The following ATP13A1 variants were observed in gnomAD, a reference collection of about 807,000 sequenced individuals.
ATP13A1 encodes the protein ATPase 13A1.
In ATP13A1, 55 loss-of-function variants were observed where a neutral mutation model predicts 134.8. The ratio of observed to expected loss-of-function variants is 0.41; its 90% CI spans 0.33 to 0.51. ATP13A1 has a LOEUF of 0.51. Among genes scored for constraint, ATP13A1 ranks in the 20% least tolerant of loss-of-function variants. The probability of loss-of-function intolerance (pLI) is 0.29; values close to 1 mark genes in which losing one functional copy is unlikely to be tolerated. For synonymous variants in ATP13A1, 775 were observed against 725.1 expected (o/e 1.07, Z -1.10); for missense variants, 1,389 against 1,652.8 (o/e 0.84, Z 2.77).
Position 19,663,173 on chromosome 19 carries a change from TG to T in ATP13A1, c.396+97del, listed in dbSNP as rs549006678. 933 of 1,510,226 alleles carry T rather than the reference TG, an allele frequency of 6.2e-4. 4 individuals carry two copies. The African/African-American group carries it at 0.012, about 19-fold the overall frequency. The allele number at this position is 1,510,226 out of a possible 1,614,324, so 93.6% of individuals were successfully genotyped here. A position where few individuals can be genotyped will look rare whatever the true frequency, so the allele number is the denominator to read the frequency against. ...TGGGAATCCAGGCCAGGCAGATGAG[TG>T]GCCCAGGTCGCGATGGTGACCGACA... is the stretch of plus-strand genomic sequence containing the variant. On this transcript the variant is annotated intron_variant, in intron 1 of 25. Coordinates refer to ENST00000357324, the MANE Select transcript of ATP13A1 (RefSeq NM_020410.3).
rs2062107962 is a variant in ATP13A1, at chr19:19,663,511, G to A, written c.156C>T (p.Ala52=). The change falls in exon 1 of 26, where the codon GCC becomes GCT. Residue 52 remains alanine (A), a synonymous_variant. Coordinates refer to ENST00000357324, the MANE Select transcript of ATP13A1 (RefSeq NM_020410.3). The part of the protein sequence containing the change: ...LIANGDELVA[A]VWPYRRLALL... Reference sequence around the variant, plus strand: ...GCGCCAACCGCCGGTACGGCCACACGGCAGCCACCAGCTCGTCACCGTTCG... The same window carrying A: ...GCGCCAACCGCCGGTACGGCCACACAGCAGCCACCAGCTCGTCACCGTTCG... 2.0e-6 allele frequency: 3 copies of A among 1,533,854 alleles called. No individual in the cohort carries two copies. Among genetic ancestry groups the A allele is most frequent in the Non-Finnish European group, 2.6e-6 (3 of 1,145,648 alleles).
At position 19,649,636 on chromosome 19, in the gene ATP13A1, G is replaced by T. The variant is rs2062011072; in HGVS notation, c.2563C>A (p.Leu855Met). 6.2e-7 allele frequency: 1 copy of T among 1,613,832 alleles called. No homozygotes were observed. The highest frequency in any genetic ancestry group is 1.3e-5 in the African/African-American group (1 of 74,926). Residue 855 changes from leucine (L) to methionine (M), a missense_variant, in exon 19 of 26, where the codon CTG (leucine) becomes ATG (methionine). Around this residue, in one of 4 missense-constraint regions of ATP13A1, gnomAD observed 747 missense variants for 956.1 expected, o/e 0.78. Coordinates refer to ENST00000357324, the MANE Select transcript of ATP13A1 (RefSeq NM_020410.3). ...KEFVITSLKE[L>M]GYVTLMCGDG... Reference sequence around the variant, plus strand: ...CCACACATGAGGGTCACGTAGCCCAGCTCCTTCAGGCTGGTGATGACAAAC... The same window carrying T: ...CCACACATGAGGGTCACGTAGCCCATCTCCTTCAGGCTGGTGATGACAAAC...
At chr19:19,648,898 G>A (rs1844968548) in intron 19 of ATP13A1, among the ~76,000 whole-genome samples, 1 of 148,178 alleles carries the variant, frequency 6.7e-6, no homozygotes, top group Admixed American at 6.7e-5. Flanking sequence ...AAGGCGGGTG[G>A]ATCACTTGAG....
rs2062035056 is a variant in ATP13A1, at chr19:19,653,069, G to A, written c.2101-349C>T. ...TAGCCAGGAACTCTTACTCACTGGG[G>A]CTCCACCACATACCACAGACTGGGC... On this transcript the variant is annotated intron_variant, in intron 15 of 25. Coordinates refer to ENST00000357324, the MANE Select transcript of ATP13A1 (RefSeq NM_020410.3). This position sits in a 1 kb window ranked among gnomAD's most constrained non-coding sequence, Gnocchi z 4.2. 1.5e-5 allele frequency: 4 copies of A among 271,424 alleles called. No individual in the cohort carries two copies. In the South Asian group the frequency reaches 1.9e-4, roughly 13 times the overall value. 16.8% of individuals were successfully genotyped at this position (271,424 alleles called of 1,614,324 possible). A position where few individuals can be genotyped will look rare whatever the true frequency, so the allele number is the denominator to read the frequency against.
chr19:19,654,400 G>T, intron 13 of ATP13A1, 143 bp downstream of exon 13: 1 of 1,136,888 alleles, frequency 8.8e-7, no homozygotes, highest in Non-Finnish European at 1.2e-6. Flanking sequence ...GGTCTAAAGT[G>T]AGCCTCTGGC....
chr19:19,660,023 T>G, intron 1 of ATP13A1, 36 bp from the exon 2 acceptor site: 4 of 1,532,040 alleles, frequency 2.6e-6, no homozygotes, highest in African/African-American at 1.4e-5. Flanking sequence ...GGCTTAGCTC[T>G]TCTCAACCTA....
In ATP13A1 at chr19:19,653,592, G is replaced by C; in HGVS notation, c.2100+192C>G. On this transcript the variant is annotated intron_variant, in intron 15 of 25. Coordinates refer to ENST00000357324, the MANE Select transcript of ATP13A1 (RefSeq NM_020410.3). The surrounding 1 kb of genome is among the most constrained non-coding windows in gnomAD (Gnocchi z 4.2). ...CCCTGCGTGTGCTCTGCGTGAGCCAGGACTGGGTGGGTCCCCACAGCAGTG... is the reference window on the plus strand; with the variant it reads ...CCCTGCGTGTGCTCTGCGTGAGCCACGACTGGGTGGGTCCCCACAGCAGTG... The C allele has an allele frequency of 1.6e-6, 1 of 614,846 alleles. No individual in the cohort carries two copies. 38.1% of individuals were successfully genotyped at this position (614,846 alleles called of 1,614,324 possible).
In ATP13A1 at chr19:19,654,720, C is replaced by T. The variant is rs2062046162; in HGVS notation, c.1656-20G>A. 4 of 1,602,880 alleles carry T rather than the reference C, an allele frequency of 2.5e-6. No homozygotes were observed. The highest frequency in any genetic ancestry group is 4.5e-5 in the East Asian group (2 of 44,746). ...CCGTCTCTGCAAGGTCGGGGAACAG[C>T]TGGTTACAGAGTGCAGGCGGGTAGG... On this transcript the variant is annotated intron_variant, in intron 12 of 25. Coordinates refer to ENST00000357324, the MANE Select transcript of ATP13A1 (RefSeq NM_020410.3).
At chr19:19,661,520 G>A (rs1043230870) in intron 1 of ATP13A1, among the ~76,000 whole-genome samples, 14 of 152,104 alleles carry the variant, frequency 9.2e-5, no homozygotes, top group Non-Finnish European at 1.6e-4. Context: ...TAAAGTTCCC[G>A]GCAATGTCCC....
At position 19,647,669 on chromosome 19, in the gene ATP13A1, C is replaced by T; in HGVS notation, c.2723G>A (p.Arg908Lys). The stretch of plus-strand genomic sequence containing the variant: ...CTGCTTGGCTGTCCTGGAGGTGGCT[C>T]TGATGCCACTGTTGCTCAGGGTTGG... ...DSPTLSNSGI[R>K]ATSRTAKQRS... Residue 908 changes from arginine (R) to lysine (K), a missense_variant, in exon 20 of 26, where the codon AGA (arginine) becomes AAA (lysine). Coordinates refer to ENST00000357324, the MANE Select transcript of ATP13A1 (RefSeq NM_020410.3). The surrounding 1 kb of genome is among the most constrained non-coding windows in gnomAD (Gnocchi z 4.8). The T allele has an allele frequency of 1.2e-6, 2 of 1,612,876 alleles. No individual in the cohort carries two copies. Among genetic ancestry groups the T allele is most frequent in the Non-Finnish European group, 1.7e-6 (2 of 1,179,836 alleles).
At chr19:19,652,572 T>G in intron 16 of ATP13A1, 23 bp downstream of exon 16, 1 of 1,600,610 alleles carries the variant, frequency 6.2e-7, no homozygotes, top group South Asian at 1.1e-5. Context: ...ATGCAGAGGG[T>G]GGAGCCGAGC....
rs776516092 is a variant in ATP13A1 at position 19,653,472 on chromosome 19, T to C, written c.2100+312A>G. ...GGCGGAGGGTGGGCTTTGTGGAGGA[T>C]GGATGGGTGAGAGGGCTGAGGATGC... On this transcript the variant is annotated intron_variant, in intron 15 of 25. Transcript: ENST00000357324. This position sits in a 1 kb window ranked among gnomAD's most constrained non-coding sequence, Gnocchi z 4.2. 56 of 409,258 alleles carry C rather than the reference T, an allele frequency of 1.4e-4. No homozygotes were observed. The Middle Eastern group carries it at 2.0e-3, about 14-fold the overall frequency. The allele number at this position is 409,258 out of a possible 1,614,324, so 25.4% of individuals were successfully genotyped here. A position where few individuals can be genotyped will look rare whatever the true frequency, so the allele number is the denominator to read the frequency against.
chr19:19,658,178 C>A (rs949334075), intron 3 of ATP13A1, among the ~76,000 whole-genome samples: 2 of 145,188 alleles, frequency 1.4e-5, no homozygotes, highest in African/African-American at 2.6e-5. Flanking sequence ...AAAAAAGGCT[C>A]GAGAATGCAA....
At chr19:19,652,223 A>G (rs1293124876) in intron 16 of ATP13A1, among the ~76,000 whole-genome samples, 2 of 152,054 alleles carry the variant, frequency 1.3e-5, no homozygotes, top group Admixed American at 6.6e-5. Flanking sequence ...AAGACACCCT[A>G]AGTCCCAAAA....
Position 19,647,480 on chromosome 19 carries a change from T to C in ATP13A1, c.2842A>G (p.Ile948Val), listed in dbSNP as rs775424779. The C allele has an allele frequency of 3.1e-6, 5 of 1,613,478 alleles. No individual in the cohort carries two copies. Among genetic ancestry groups the C allele is most frequent in the Non-Finnish European group, 2.5e-6 (3 of 1,179,692 alleles). The change falls in exon 21 of 26, where the codon ATT (isoleucine) becomes GTT (valine). Residue 948 changes from isoleucine (I) to valine (V), a missense_variant. This residue lies in a region of ATP13A1 where 121 missense variants were observed against 104.9 expected (regional missense o/e 1.15). Coordinates refer to ENST00000357324, the MANE Select transcript of ATP13A1 (RefSeq NM_020410.3). This position sits in a 1 kb window ranked among gnomAD's most constrained non-coding sequence, Gnocchi z 4.8. ...LRDLEDESTP[I>V]VKLGDASIAA... ...ATGCTGGCATCCCCCAGTTTCACAA[T>C]GGGCGTACTCTCGTCCTCGAGGTCT... is the stretch of plus-strand genomic sequence containing the variant.
At chr19:19,654,456 A>G in intron 13 of ATP13A1, 87 bp downstream of exon 13, 1 of 1,457,450 alleles carries the variant, frequency 6.9e-7, no homozygotes, top group Non-Finnish European at 9.1e-7. Context: ...CCTGTCCCCA[A>G]GATGCTCTGA....
rs150822406 is a variant in ATP13A1 at position 19,651,696 on chromosome 19, G to A, written c.2328C>T (p.Ser776=). 8.1e-5 allele frequency: 130 copies of A among 1,611,188 alleles called. No individual in the cohort carries two copies. Among genetic ancestry groups the A allele is most frequent in the Middle Eastern group, 1.7e-4 (1 of 6,022 alleles). ...GCCAGGCTAGGGCCTCACCTTTCTC[G>A]GAGGGAGGCTGCAGGATCAGCGTGT... is the stretch of plus-strand genomic sequence containing the variant. ...KAHTLILQPP[S]EKGRQCEWRS... Residue 776 remains serine (S), a synonymous_variant, in exon 17 of 26, where the codon TCC becomes TCT. Transcript: ENST00000357324.
At position 19,647,526 on chromosome 19, in the gene ATP13A1, G is replaced by C; in HGVS notation, c.2796C>G (p.Asp932Glu). The change falls in exon 21 of 26, where the codon GAC becomes GAG. Residue 932 changes from aspartate to glutamate, a missense_variant and splice_region_variant. Transcript: ENST00000357324. The surrounding 1 kb of genome is among the most constrained non-coding windows in gnomAD (Gnocchi z 4.8). ...GGTCTCGCAGCACCTGGCTCAGGCG[G>C]TCCTGCAGGGTAGACAGCAGGCTGT... ...PSEEQPTSQRDRLSQVLRDLE... is the reference protein window; with the variant it reads ...PSEEQPTSQRERLSQVLRDLE... 1.2e-6 allele frequency: 2 copies of C among 1,612,514 alleles called. No individual in the cohort carries two copies. The highest frequency in any genetic ancestry group is 1.7e-6 in the Non-Finnish European group (2 of 1,179,252).
At position 19,645,360 on chromosome 19, in the gene ATP13A1, G is replaced by A. The variant is rs1014842562; in HGVS notation, c.*62C>T. 1.3e-6 allele frequency: 2 copies of A among 1,519,254 alleles called. No homozygotes were observed. The highest frequency in any genetic ancestry group is 1.8e-6 in the Non-Finnish European group (2 of 1,119,654). 94.1% of individuals were successfully genotyped at this position (1,519,254 alleles called of 1,614,324 possible). ...GTTGGGGGCAGGGTTCCCTCCCGGG[G>A]CCCTGTTGGGGTTCCCGCCCAGCGG... On this transcript the variant is annotated 3_prime_UTR_variant, in exon 26 of 26. Transcript: ENST00000357324. This position sits in a 1 kb window ranked among gnomAD's most constrained non-coding sequence, Gnocchi z 4.1.
Sources: gnomAD v4.1 joint callset for allele counts (sites outside exome capture counted in the v4.1 genomes callset) on GRCh38, gnomAD v4.1.1 for gene constraint, gnomAD v4.1.1 regional missense constraint, Gnocchi (gnomAD v3.1) non-coding constraint, MANE v1.5 for transcripts, NCBI Gene and HGNC (gene_info 2026-07-23, HGNC 2026-07-21) for gene names.